Variants in C16orf74 observed in about 807,000 individuals in gnomAD.
C16orf74 encodes the protein uncharacterized protein C16orf74.
A neutral mutation model predicts 6.5 loss-of-function variants in C16orf74; 10 were observed. The observed-to-expected ratio is 1.54, with a 90% CI of 0.95 to 2.61. The LOEUF is 2.61. C16orf74 is among the 30% of genes most tolerant of loss of function. The pLI is 0.00. For missense variants in C16orf74, 141 were observed against 105.9 expected (o/e 1.33, Z -1.45); for synonymous variants, 60 against 42.5 (o/e 1.41, Z -1.60).
At chr16:85,735,024 G>C (rs1035295579) in intron 2 of C16orf74, among the ~76,000 whole-genome samples, 166 bp downstream of exon 2, 2 of 152,196 alleles carry the variant, frequency 1.3e-5, no homozygotes, top group South Asian at 4.1e-4. Flanking sequence ...GGTGCTCAGA[G>C]TCAGGACAAG....
chr16:85,739,946 A>T (rs2152065070), intron 1 of C16orf74, among the ~76,000 whole-genome samples: 1 of 152,146 alleles, frequency 6.6e-6, no homozygotes, highest in East Asian at 1.9e-4. Flanking sequence ...GCAGTGGCTC[A>T]TGCCTGTAAT....
At chr16:85,742,493 C>G (rs1033989635) in intron 1 of C16orf74, among the ~76,000 whole-genome samples, 2 of 152,196 alleles carry the variant, frequency 1.3e-5, no homozygotes, top group African/African-American at 4.8e-5. Flanking sequence ...GAGGCCCTCA[C>G]CATCCTGGCG....
chr16:85,731,163 G>C (rs1022680066), intron 2 of C16orf74, among the ~76,000 whole-genome samples: 2 of 152,200 alleles, frequency 1.3e-5, no homozygotes, highest in Non-Finnish European at 2.9e-5. Context: ...GCTGGATGCA[G>C]GATGCCTCAG....
chr16:85,745,244 C>G (rs1466019456), intron 1 of C16orf74, among the ~76,000 whole-genome samples: 1 of 151,810 alleles, frequency 6.6e-6, no homozygotes, highest in Non-Finnish European at 1.5e-5. Flanking sequence ...AAACTGACTT[C>G]CTCGGCAGAG....
intron 3 of C16orf74, among the ~76,000 whole-genome samples, chr16:85,708,293 G>A (rs747440348): frequency 5.3e-5 from 8 of 152,068 alleles, no homozygotes; most frequent in Non-Finnish European, 1.2e-4. Context: ...GAACCTCCCT[G>A]GGGCTCGGAC....
At chr16:85,708,263 G>A (rs2053933248) in intron 3 of C16orf74, among the ~76,000 whole-genome samples, 197 bp from the exon 4 acceptor site, 1 of 152,180 alleles carries the variant, frequency 6.6e-6, no homozygotes, top group Non-Finnish European at 1.5e-5. Flanking sequence ...AGTTTAAGAG[G>A]AACCCCTCCC....
chr16:85,740,815 G>GA (rs1164988609), intron 1 of C16orf74, among the ~76,000 whole-genome samples: 1 of 122,124 alleles, frequency 8.2e-6, no homozygotes, highest in South Asian at 2.6e-4. Context: ...CTGGGCAAGA[G>GA]AGTGAGACCC....
At chr16:85,733,933 C>T (rs944341347) in intron 2 of C16orf74, among the ~76,000 whole-genome samples, 3 of 152,206 alleles carry the variant, frequency 2.0e-5, no homozygotes, top group Admixed American at 6.5e-5. Flanking sequence ...GCCAAAGGGG[C>T]GGGCCTAAGA....
intron 2 of C16orf74, among the ~76,000 whole-genome samples, chr16:85,734,022 C>G (rs1410248719): frequency 6.6e-6 from 1 of 152,168 alleles, no homozygotes; most frequent in Non-Finnish European, 1.5e-5. Context: ...CCATTCATCC[C>G]GGCTCCCAGC....
chr16:85,748,315 C>T (rs549049855), intron 1 of C16orf74, among the ~76,000 whole-genome samples: 1 of 151,902 alleles, frequency 6.6e-6, no homozygotes, highest in Non-Finnish European at 1.5e-5. Flanking sequence ...GAGTTATTAT[C>T]TGGGCTGGGT....
chr16:85,718,796 G>C (rs568672877), intron 2 of C16orf74, among the ~76,000 whole-genome samples: 2 of 152,358 alleles, frequency 1.3e-5, no homozygotes, highest in African/African-American at 4.8e-5. Context: ...CACATCACGT[G>C]ATTTGAACTG....
At chr16:85,747,551 G>A (rs528491750) in intron 1 of C16orf74, among the ~76,000 whole-genome samples, 19 of 152,232 alleles carry the variant, frequency 1.2e-4, no homozygotes, top group African/African-American at 4.6e-4. Flanking sequence ...GGGTGTCCTG[G>A]GGGGCTGAAG....
intron 1 of C16orf74, among the ~76,000 whole-genome samples, chr16:85,739,687 C>G (rs549722626): frequency 7.2e-5 from 11 of 152,138 alleles, no homozygotes; most frequent in African/African-American, 2.7e-4. Flanking sequence ...GTAACCCAAG[C>G]TACTCAGGAG....
At chr16:85,738,469 C>A (rs1239314095) in intron 1 of C16orf74, among the ~76,000 whole-genome samples, 3 of 150,658 alleles carry the variant, frequency 2.0e-5, no homozygotes, top group African/African-American at 7.3e-5. Flanking sequence ...GGACTACAGG[C>A]GTGCACCATG....
chr16:85,723,713 T>C (rs985075083), intron 2 of C16orf74, among the ~76,000 whole-genome samples: 1 of 152,158 alleles, frequency 6.6e-6, no homozygotes, highest in Admixed American at 6.5e-5. Flanking sequence ...CAGGCCGGAT[T>C]TGGGTTCGAG....
chr16:85,718,865 T>C (rs892217866), intron 2 of C16orf74, among the ~76,000 whole-genome samples: 2 of 152,254 alleles, frequency 1.3e-5, no homozygotes. Context: ...CAGCACCTAC[T>C]GGGTGCCAAC....
At position 85,751,069 on chromosome 16, in the gene C16orf74, C is replaced by T. The variant is rs891303361; in HGVS notation, c.-162G>A. ...AGACAGAGCAGCGGGGGTCATGGCC[C>T]GGCCGGCGCTCGGGCAGCCGCGCGC... On this transcript the variant is annotated 5_prime_UTR_variant, in exon 1 of 4. Transcript: ENST00000284245. 4.7e-5 allele frequency: 7 copies of T among 148,284 alleles called. No homozygotes were observed. Among genetic ancestry groups the T allele is most frequent in the African/African-American group, 1.7e-4 (7 of 41,000 alleles). The allele number at this position is 148,284 out of a possible 1,614,324, so 9.2% of individuals were successfully genotyped here.
At chr16:85,709,495 G>GTTATTATTATTA (rs57478569) in intron 3 of C16orf74, among the ~76,000 whole-genome samples, 6,857 of 147,356 alleles carry the variant, frequency 0.047, 178 homozygotes, top group South Asian at 0.086. Context: ...CATCCCCAAT[G>GTTATTATTATTA]TTATTATTAT....
At chr16:85,724,670 G>A (rs1406917442) in intron 2 of C16orf74, among the ~76,000 whole-genome samples, 1 of 152,116 alleles carries the variant, frequency 6.6e-6, no homozygotes, top group Non-Finnish European at 1.5e-5. Context: ...GGAATCATGG[G>A]GATGACGAGG....
Sources: allele counts gnomAD v4.1 joint callset (sites outside exome capture counted in the v4.1 genomes callset), GRCh38; gene constraint gnomAD v4.1.1; transcripts MANE v1.5; gene names NCBI Gene and HGNC (gene_info 2026-07-23, HGNC 2026-07-21).